The following TASP1 variants were observed in gnomAD, a reference collection of about 807,000 sequenced individuals.
The protein encoded by TASP1 is taspase 1, also known as threonine aspartase 1.
TASP1 carries 16 observed loss-of-function variants against 56.6 expected under a neutral mutation model. The observed-to-expected ratio is 0.28, with a 90% CI of 0.19 to 0.43. The LOEUF (loss-of-function observed/expected upper bound fraction) is 0.43, where lower values mean the gene tolerates loss of function less well. Ranked by LOEUF, TASP1 falls within the 20% of genes least tolerant of loss-of-function variation. TASP1 has a pLI of 1.00. For synonymous variants in TASP1, 179 were observed against 184.2 expected, an observed-to-expected ratio of 0.97 and a Z score of 0.23; for missense variants, 393 against 511.6, an observed-to-expected ratio of 0.77 and a Z score of 2.24.
chr20:13,292,757 C>A, the TASP1 span, among the ~76,000 whole-genome samples: 1 of 152,128 alleles, frequency 6.6e-6, no homozygotes, highest in Non-Finnish European at 1.5e-5. Context: ...AGCAGGGGCT[C>A]AAGTCACATG....
At chr20:13,226,201 T>C in the TASP1 span, among the ~76,000 whole-genome samples, 5 of 152,218 alleles carry the variant, frequency 3.3e-5, no homozygotes, top group African/African-American at 9.6e-5. Context: ...TATGAACACT[T>C]TCCATCTTTT....
chr20:13,319,985 C>T, the TASP1 span, among the ~76,000 whole-genome samples: 209 of 152,320 alleles, frequency 1.4e-3, 1 homozygote, highest in African/African-American at 4.7e-3. Context: ...TCTGAAAACT[C>T]CACCGAAGGG....
chr20:13,324,129 G>C, the TASP1 span, among the ~76,000 whole-genome samples: 1 of 152,168 alleles, frequency 6.6e-6, no homozygotes, highest in East Asian at 1.9e-4. Flanking sequence ...ACTATCCCTG[G>C]GACCTAGCTG....
chr20:13,370,758 G>A, the TASP1 span, among the ~76,000 whole-genome samples: 1 of 152,122 alleles, frequency 6.6e-6, no homozygotes, highest in African/African-American at 2.4e-5. Flanking sequence ...ATAAGAAGAG[G>A]AGATTAGGAC....
chr20:13,244,701 C>A, the TASP1 span, among the ~76,000 whole-genome samples: 1 of 152,168 alleles, frequency 6.6e-6, no homozygotes, highest in Admixed American at 6.5e-5. Flanking sequence ...CAGGTTTTGA[C>A]CACATTTTCT....
At chr20:13,427,782 T>C (rs951798993) in intron 12 of TASP1, among the ~76,000 whole-genome samples, 2 of 152,168 alleles carry the variant, frequency 1.3e-5, no homozygotes, top group African/African-American at 4.8e-5. Context: ...TTTAAAAATA[T>C]ATTAAACATT....
At position 13,518,658 on chromosome 20, in the gene TASP1, A is replaced by G. The variant is rs909643377; in HGVS notation, c.874+9775T>C. Among the ~76,000 whole-genome samples the G allele has an allele frequency of 3.9e-5, 6 of 152,212 alleles. No individual in the cohort carries two copies. The South Asian group carries it at 1.2e-3, about 32-fold the overall frequency. On this transcript the variant is annotated intron_variant, in intron 10 of 13. Coordinates refer to ENST00000337743, the MANE Select transcript of TASP1 (RefSeq NM_017714.3). ...ATGTATTTGTTTGTCATTCATATTCATTCACACTCATTCAGCAGTTGTAGG... is the reference window on the plus strand; with the variant it reads ...ATGTATTTGTTTGTCATTCATATTCGTTCACACTCATTCAGCAGTTGTAGG...
chr20:13,124,626 AC>A, the TASP1 span, among the ~76,000 whole-genome samples: 1 of 152,142 alleles, frequency 6.6e-6, no homozygotes, highest in South Asian at 2.1e-4. Flanking sequence ...GAAGAACAGA[AC>A]ACATCCCTTG....
chr20:13,555,691 T>G (rs1441353768), intron 8 of TASP1, among the ~76,000 whole-genome samples: 1 of 152,178 alleles, frequency 6.6e-6, no homozygotes, highest in Non-Finnish European at 1.5e-5. Context: ...CCTATGAATG[T>G]TGATATTTTG....
intron 13 of TASP1, among the ~76,000 whole-genome samples, chr20:13,412,613 G>C (rs1025686043): frequency 6.6e-6 from 1 of 152,030 alleles, no homozygotes; most frequent in African/African-American, 2.4e-5. Context: ...TTATGTGAGA[G>C]GTAAGTTTTA....
At chr20:13,360,658 C>A in the TASP1 span, among the ~76,000 whole-genome samples, 1 of 152,200 alleles carries the variant, frequency 6.6e-6, no homozygotes, top group Non-Finnish European at 1.5e-5. Context: ...GTGCTCAACT[C>A]ACTCTCTAAA....
At chr20:13,623,545 G>T (rs766636032) in intron 3 of TASP1, 31 bp from the exon 4 acceptor site, 23 of 1,448,934 alleles carry the variant, frequency 1.6e-5, no homozygotes, top group Middle Eastern at 3.6e-4. Context: ...ATTATTCATT[G>T]CAAAATCACA....
the TASP1 span, among the ~76,000 whole-genome samples, chr20:13,307,320 C>T: frequency 6.6e-6 from 1 of 152,276 alleles, no homozygotes; most frequent in East Asian, 1.9e-4. Flanking sequence ...CAGAAAAGCA[C>T]ACACGTATCA....
intron 11 of TASP1, among the ~76,000 whole-genome samples, chr20:13,437,686 A>G (rs1433289292): frequency 6.6e-6 from 1 of 152,236 alleles, no homozygotes; most frequent in Non-Finnish European, 1.5e-5. Context: ...TCAATGTGCA[A>G]AAATCACAAG....
At chr20:13,214,584 G>GAC in the TASP1 span, among the ~76,000 whole-genome samples, 3 of 151,750 alleles carry the variant, frequency 2.0e-5, no homozygotes, top group Admixed American at 1.3e-4. Context: ...GAGAGAGAGA[G>GAC]AGAGACAGAA....
At chr20:13,422,796 T>C (rs1189378696) in intron 12 of TASP1, among the ~76,000 whole-genome samples, 1 of 152,210 alleles carries the variant, frequency 6.6e-6, no homozygotes, top group African/African-American at 2.4e-5. Flanking sequence ...CAGAACATCA[T>C]CTTGTTTACC....
the TASP1 span, among the ~76,000 whole-genome samples, chr20:13,315,357 T>C: frequency 6.6e-6 from 1 of 152,026 alleles, no homozygotes; most frequent in East Asian, 1.9e-4. Context: ...AAACATGTTA[T>C]GCTTGCACCA....
At chr20:13,195,676 C>T in the TASP1 span, among the ~76,000 whole-genome samples, 6 of 152,270 alleles carry the variant, frequency 3.9e-5, no homozygotes, top group East Asian at 3.9e-4. Flanking sequence ...AAAGTTCTTG[C>T]GCTCATATCC....
At chr20:13,521,281 C>G (rs1167849199) in intron 10 of TASP1, among the ~76,000 whole-genome samples, 2 of 152,122 alleles carry the variant, frequency 1.3e-5, no homozygotes, top group Non-Finnish European at 2.9e-5. Context: ...TGGGTATATA[C>G]CCAAAGGATT....
Sources: allele counts gnomAD v4.1 joint callset (sites outside exome capture counted in the v4.1 genomes callset), GRCh38; gene constraint gnomAD v4.1.1; transcripts MANE v1.5; gene names NCBI Gene and HGNC (gene_info 2026-07-23, HGNC 2026-07-21).